The following FREM1 variants were observed in gnomAD, a reference collection of about 807,000 sequenced individuals.
FREM1 encodes the protein FRAS1-related extracellular matrix protein 1.
Under a neutral mutation model 210.1 loss-of-function variants are expected in FREM1, and 220 were observed. That is an observed-to-expected ratio of 1.05 (90% CI 0.94 to 1.17). FREM1 has a LOEUF of 1.17. Among genes scored for constraint, FREM1 ranks in the 50% most tolerant of loss-of-function variants. The pLI, the probability that FREM1 is intolerant of heterozygous loss-of-function variation, is 0.00. For missense variants in FREM1, 3,454 were observed against 2,675.5 expected (o/e 1.29, Z -6.42); for synonymous variants, 1,189 against 980.2 (o/e 1.21, Z -3.98).
At chr9:14,761,186 T>C (rs1845431276) in intron 27 of FREM1, among the ~76,000 whole-genome samples, 1 of 152,292 alleles carries the variant, frequency 6.6e-6, no homozygotes, top group South Asian at 2.1e-4. Flanking sequence ...AGGAAGTTTG[T>C]CTTCAAATAA....
At chr9:14,794,658 G>T (rs957232697) in intron 21 of FREM1, among the ~76,000 whole-genome samples, 2 of 152,174 alleles carry the variant, frequency 1.3e-5, no homozygotes, top group African/African-American at 4.8e-5. Context: ...AGAGCCATTA[G>T]ATTTGGCGGG....
intron 35 of FREM1, 97 bp from the exon 36 acceptor site, chr9:14,740,331 C>CA: frequency 1.1e-6 from 1 of 892,238 alleles, no homozygotes; most frequent in South Asian, 1.5e-5. Context: ...TTAAAATACA[C>CA]AAAAAAGTAG....
At chr9:14,860,788 T>TATGCACATATATATGCACATATATAC (rs1564101655) in intron 3 of FREM1, among the ~76,000 whole-genome samples, 1 of 94,780 alleles carries the variant, frequency 1.1e-5, no homozygotes, top group African/African-American at 5.2e-5. Context: ...TATACATATA[T>TATGCACATATATATGCACATATATAC]ACATATATAC....
At chr9:14,739,857 T>C (rs746892489) in intron 36 of FREM1, among the ~76,000 whole-genome samples, 2 of 152,266 alleles carry the variant, frequency 1.3e-5, no homozygotes, top group East Asian at 1.9e-4. Context: ...TCTTTAGTTA[T>C]AGCAATTTCT....
chr9:14,786,756 G>A (rs935787584), intron 23 of FREM1, among the ~76,000 whole-genome samples: 1 of 152,188 alleles, frequency 6.6e-6, no homozygotes, highest in Non-Finnish European at 1.5e-5. Flanking sequence ...ATCTCAAAAT[G>A]CTTTGCAACT....
At position 14,812,880 on chromosome 9, in the gene FREM1, G is replaced by C; in HGVS notation, c.2825C>G (p.Ala942Gly). 6.2e-7 allele frequency: 1 copy of C among 1,613,804 alleles called. No individual in the cohort carries two copies. Among genetic ancestry groups the C allele is most frequent in the Non-Finnish European group, 8.5e-7 (1 of 1,179,816 alleles). ...AGAGAACTGATCCACTGTGACTCCA[G>C]CTCTCCTCACCACCCCATGCTGAGG... ...REPQHGVVRRAGVTVDQFSQR... is the reference protein window; with the variant it reads ...REPQHGVVRRGGVTVDQFSQR... The change falls in exon 16 of 37, where the codon GCT becomes GGT. Residue 942 changes from alanine (A) to glycine (G), a missense_variant. Coordinates refer to ENST00000380880, the MANE Select transcript of FREM1 (RefSeq NM_001379081.2).
At chr9:14,776,842 C>T (rs1848675812) in intron 24 of FREM1, among the ~76,000 whole-genome samples, 1 of 152,146 alleles carries the variant, frequency 6.6e-6, no homozygotes, top group Admixed American at 6.5e-5. Flanking sequence ...CATTAAGTAC[C>T]ACCCAACTCT....
chr9:14,781,646 A>G (rs1347062536), intron 24 of FREM1, among the ~76,000 whole-genome samples: 1 of 152,206 alleles, frequency 6.6e-6, no homozygotes, highest in Non-Finnish European at 1.5e-5. Flanking sequence ...AAGTTCCATC[A>G]GTACATTGGG....
intron 1 of FREM1, among the ~76,000 whole-genome samples, chr9:14,895,136 G>A (rs1315102553): frequency 6.6e-6 from 1 of 152,172 alleles, no homozygotes; most frequent in African/African-American, 2.4e-5. Flanking sequence ...CCCATGGCCG[G>A]TCTCAGCTTT....
At chr9:14,740,963 G>C (rs781063987) in intron 35 of FREM1, among the ~76,000 whole-genome samples, 1 of 151,956 alleles carries the variant, frequency 6.6e-6, no homozygotes, top group Non-Finnish European at 1.5e-5. Context: ...AAGCCACTAA[G>C]TAATTCTTTC....
chr9:14,873,481 T>C (rs1005453201), intron 1 of FREM1, among the ~76,000 whole-genome samples: 1 of 152,218 alleles, frequency 6.6e-6, no homozygotes, highest in Non-Finnish European at 1.5e-5. Context: ...TATTCTCTGA[T>C]GGTAGTTTGT....
intron 24 of FREM1, among the ~76,000 whole-genome samples, chr9:14,777,004 TAGG>T (rs1328773368): frequency 9.9e-5 from 15 of 152,170 alleles, no homozygotes; most frequent in Admixed American, 4.6e-4. Flanking sequence ...TAAGGGCAGG[TAGG>T]AGATGAAGCT....
At chr9:14,805,192 A>C (rs73644856) in intron 18 of FREM1, 40 bp from the exon 19 acceptor site, 3 of 1,299,416 alleles carry the variant, frequency 2.3e-6, no homozygotes, top group Non-Finnish European at 3.1e-6. Context: ...TAAAAAAAAA[A>C]TTTTTCCAAG....
In FREM1 at chr9:14,805,148, T is replaced by A; in HGVS notation, c.3279A>T (p.Ser1093=). 6.4e-7 allele frequency: 1 copy of A among 1,562,084 alleles called. No homozygotes were observed. The highest frequency in any genetic ancestry group is 8.7e-7 in the Non-Finnish European group (1 of 1,152,846). Residue 1093 remains serine, a synonymous_variant, in exon 19 of 37, where the codon TCA becomes TCT. Transcript: ENST00000380880. ...AAGCGTTCATGTCTTTCCACTGAAA[T>A]GAATCTAGAGCACACCAAGATGGAA... ...EKSNIGISID[S]FQWKDMNAFH...
At chr9:14,756,708 T>C (rs1014464899) in intron 28 of FREM1, among the ~76,000 whole-genome samples, 1 of 152,208 alleles carries the variant, frequency 6.6e-6, no homozygotes, top group African/African-American at 2.4e-5. Context: ...GATTTAGTTA[T>C]TGAAGAAAGG....
intron 35 of FREM1, among the ~76,000 whole-genome samples, chr9:14,742,322 C>G (rs1841716036): frequency 6.6e-6 from 1 of 152,082 alleles, no homozygotes; most frequent in African/African-American, 2.4e-5. Context: ...GGGTTCCAGA[C>G]ACTCCTGCGG....
At chr9:14,887,011 T>A (rs933825854) in intron 1 of FREM1, among the ~76,000 whole-genome samples, 1 of 152,094 alleles carries the variant, frequency 6.6e-6, no homozygotes, top group African/African-American at 2.4e-5. Context: ...ATAAATCAAA[T>A]TTAAAGTTTT....
rs35912803 is a variant in FREM1, at chr9:14,858,505, C to CT, written c.631+677dup. Among the ~76,000 whole-genome samples, 1,036 of 138,398 alleles carry CT rather than the reference C, an allele frequency of 7.5e-3. 7 individuals carry two copies. Among genetic ancestry groups the CT allele is most frequent in the African/African-American group, 0.021 (813 of 37,838 alleles). 90.8% of individuals were successfully genotyped at this position (138,398 alleles called of 152,430 possible). On this transcript the variant is annotated intron_variant, in intron 4 of 36. Coordinates refer to ENST00000380880, the MANE Select transcript of FREM1 (RefSeq NM_001379081.2). ...GTGAGCCACCATGCCCAGCCACCCACTTTTTTTTTTTTTTTTTGGAGTCTC... is the reference window on the plus strand; with the variant it reads ...GTGAGCCACCATGCCCAGCCACCCACTTTTTTTTTTTTTTTTTTGGAGTCTC...
At chr9:14,739,238 G>C (rs1219689703) in intron 36 of FREM1, among the ~76,000 whole-genome samples, 1 of 150,720 alleles carries the variant, frequency 6.6e-6, no homozygotes, top group Non-Finnish European at 1.5e-5. Flanking sequence ...CAAGTAGGTG[G>C]GACTACTGTT....
Sources: allele counts gnomAD v4.1 joint callset (sites outside exome capture counted in the v4.1 genomes callset), GRCh38; gene constraint gnomAD v4.1.1; transcripts MANE v1.5; gene names NCBI Gene and HGNC (gene_info 2026-07-23, HGNC 2026-07-21).